Variants in WDR7 observed in about 807,000 individuals in gnomAD.
WDR7 encodes the protein WD repeat-containing protein 7.
A neutral mutation model predicts 169.4 loss-of-function variants in WDR7; 46 were observed. That is an observed-to-expected ratio of 0.27 (90% confidence interval 0.21 to 0.35). WDR7 has a LOEUF of 0.35. Ranked by LOEUF, WDR7 falls within the 10% of genes least tolerant of loss-of-function variation. The probability of loss-of-function intolerance (pLI) is 1.00; values close to 1 mark genes in which losing one functional copy is unlikely to be tolerated. For missense variants in WDR7, 1,534 were observed against 1,859.3 expected, an observed-to-expected ratio of 0.83 and a Z score of 3.22; for synonymous variants, 612 against 666.8, an observed-to-expected ratio of 0.92 and a Z score of 1.27.
chr18:56,883,270 A>G (rs1022667958), intron 21 of WDR7, among the ~76,000 whole-genome samples: 1 of 150,988 alleles, frequency 6.6e-6, no homozygotes, highest in African/African-American at 2.4e-5. Flanking sequence ...GATTGGTTGC[A>G]TTCAGGCTCT....
chr18:56,695,553 T>C (rs79990358), intron 11 of WDR7, among the ~76,000 whole-genome samples: 2 of 150,780 alleles, frequency 1.3e-5, no homozygotes, highest in Non-Finnish European at 2.9e-5. Context: ...TTTTTTTTTT[T>C]CCGAGAAAGA....
intron 9 of WDR7, among the ~76,000 whole-genome samples, chr18:56,693,390 G>C (rs1365691542): frequency 2.0e-5 from 3 of 152,054 alleles, no homozygotes; most frequent in African/African-American, 4.8e-5. Context: ...GTACACATAA[G>C]ATCCTAATGA....
At chr18:56,857,083 G>A (rs990084809) in intron 20 of WDR7, among the ~76,000 whole-genome samples, 2 of 152,036 alleles carry the variant, frequency 1.3e-5, no homozygotes, top group African/African-American at 4.8e-5. Flanking sequence ...TAAATTCTGT[G>A]GGCAATATTG....
intron 20 of WDR7, among the ~76,000 whole-genome samples, chr18:56,846,440 G>T (rs1318531776): frequency 6.6e-6 from 1 of 152,096 alleles, no homozygotes; most frequent in Non-Finnish European, 1.5e-5. Context: ...TTTATCAGGG[G>T]TTCCCACTTT....
In WDR7 at chr18:56,863,640, C is replaced by T. The variant is rs1417552038; in HGVS notation, c.3305-16304C>T. Among the ~76,000 whole-genome samples, 4 of 150,122 alleles carry T rather than the reference C, an allele frequency of 2.7e-5. No homozygotes were observed. The East Asian group carries it at 7.7e-4, about 29-fold the overall frequency. On this transcript the variant is annotated intron_variant, in intron 20 of 27. Transcript: ENST00000254442. ...AAGTACAAAATTTTGAGATTCAGGG[C>T]TTTTCTAGGAAAGTAATTTATATTT...
chr18:56,935,229 T>C (rs1031526643), intron 22 of WDR7, among the ~76,000 whole-genome samples: 3 of 152,244 alleles, frequency 2.0e-5, no homozygotes, highest in African/African-American at 7.2e-5. Context: ...TGGAGCATGC[T>C]GTTTAGTAGA....
chr18:57,003,741 A>G (rs1284170892), intron 26 of WDR7, among the ~76,000 whole-genome samples: 1 of 152,122 alleles, frequency 6.6e-6, no homozygotes, highest in African/African-American at 2.4e-5. Context: ...ATGTGTTCAC[A>G]GTGCATATTC....
intron 12 of WDR7, among the ~76,000 whole-genome samples, chr18:56,712,319 C>T (rs1426308846): frequency 6.6e-6 from 1 of 152,034 alleles, no homozygotes; most frequent in Non-Finnish European, 1.5e-5. Context: ...GACTGGGTGA[C>T]CTAGGTGGTA....
At chr18:57,021,232 G>A (rs1228739278) in intron 27 of WDR7, among the ~76,000 whole-genome samples, 3 of 152,190 alleles carry the variant, frequency 2.0e-5, no homozygotes, top group Non-Finnish European at 2.9e-5. Context: ...TGGGTCAGGA[G>A]GTGTGGGTGG....
At chr18:56,834,629 G>A (rs9944997) in intron 20 of WDR7, among the ~76,000 whole-genome samples, 9,068 of 151,960 alleles carry the variant, frequency 0.06, 916 homozygotes, top group African/African-American at 0.21. Flanking sequence ...AATGGACCAT[G>A]CCCCCACTAG....
chr18:57,013,437 A>G (rs2048164848), intron 26 of WDR7, among the ~76,000 whole-genome samples: 1 of 149,900 alleles, frequency 6.7e-6, no homozygotes, highest in Non-Finnish European at 1.5e-5. Flanking sequence ...CAACTGTTTT[A>G]TAGTTGACCT....
intron 19 of WDR7, among the ~76,000 whole-genome samples, chr18:56,788,450 T>C (rs771673890): frequency 2.2e-4 from 34 of 152,152 alleles, no homozygotes; most frequent in Non-Finnish European, 3.5e-4. Flanking sequence ...TTTCTAGTGT[T>C]GTAGGGGTGT....
At chr18:56,686,205 A>T (rs1034625909) in intron 6 of WDR7, among the ~76,000 whole-genome samples, 173 bp downstream of exon 6, 1 of 151,952 alleles carries the variant, frequency 6.6e-6, no homozygotes, top group Non-Finnish European at 1.5e-5. Context: ...ATGGGAGTGA[A>T]TTTTTTATTT....
intron 25 of WDR7, among the ~76,000 whole-genome samples, chr18:56,945,061 T>C (rs1338616318): frequency 6.6e-6 from 1 of 152,228 alleles, no homozygotes; most frequent in Non-Finnish European, 1.5e-5. Flanking sequence ...CATGTACACA[T>C]ACATACACAC....
At chr18:56,666,046 A>G (rs148524711) in intron 1 of WDR7, among the ~76,000 whole-genome samples, 56 of 152,120 alleles carry the variant, frequency 3.7e-4, no homozygotes, top group African/African-American at 1.3e-3. Flanking sequence ...TGGACAAGCC[A>G]TCTCTCTTGG....
At chr18:56,936,717 G>T (rs2046965607) in intron 23 of WDR7, among the ~76,000 whole-genome samples, 1 of 152,174 alleles carries the variant, frequency 6.6e-6, no homozygotes, top group Non-Finnish European at 1.5e-5. Flanking sequence ...TTTGTGCCAT[G>T]CATTTCGCTG....
intron 7 of WDR7, among the ~76,000 whole-genome samples, chr18:56,687,597 A>C (rs180952748): frequency 2.7e-3 from 415 of 152,246 alleles, no homozygotes; most frequent in Non-Finnish European, 4.6e-3. Context: ...AAAACAACAA[A>C]CATGTTTTAT....
chr18:56,851,944 T>C (rs888251340), intron 20 of WDR7, among the ~76,000 whole-genome samples: 1 of 152,220 alleles, frequency 6.6e-6, no homozygotes, highest in Non-Finnish European at 1.5e-5. Context: ...CTTTGGTAGA[T>C]AGTGCTGTTG....
chr18:56,837,953 C>T (rs1352491916), intron 20 of WDR7, among the ~76,000 whole-genome samples: 1 of 152,124 alleles, frequency 6.6e-6, no homozygotes, highest in East Asian at 1.9e-4. Context: ...TAAGAGCTGA[C>T]CTACTACTAT....
Sources: gnomAD v4.1 joint callset for allele counts (sites outside exome capture counted in the v4.1 genomes callset) on GRCh38, gnomAD v4.1.1 for gene constraint, MANE v1.5 for transcripts, NCBI Gene and HGNC (gene_info 2026-07-23, HGNC 2026-07-21) for gene names.